ADAMTS14: variants seen among roughly 807,000 people sequenced by gnomAD.
The protein encoded by ADAMTS14 is A disintegrin and metalloproteinase with thrombospondin motifs 14.
Under a neutral mutation model 128.6 loss-of-function variants are expected in ADAMTS14, and 100 were observed. That is an observed-to-expected ratio of 0.78 (90% CI 0.66 to 0.92). The LOEUF is 0.92. Ranked by LOEUF, ADAMTS14 falls within the 40% of genes least tolerant of loss-of-function variation. The probability of loss-of-function intolerance (pLI) is 0.00; values close to 1 mark genes in which losing one functional copy is unlikely to be tolerated. For missense variants in ADAMTS14, 1,562 were observed against 1,658.6 expected (o/e 0.94, Z 1.01); for synonymous variants, 665 against 653.8 (o/e 1.02, Z -0.26).
rs1206968172 is a variant in ADAMTS14 at position 70,674,721 on chromosome 10, T to G, written c.248T>G (p.Leu83Arg). ...ACACTACCACGACACTCCAGTCACCTCCGGGTGGCTCGCAGCCCTCTGCAC... is the reference window on the plus strand; with the variant it reads ...ACACTACCACGACACTCCAGTCACCGCCGGGTGGCTCGCAGCCCTCTGCAC... ...PPTLPRHSSH[L>R]RVARSPLHPG... The change falls in exon 2 of 22, where the codon CTC becomes CGC. Residue 83 changes from leucine to arginine, a missense_variant. Leu to Arg is a moderately radical substitution (Grantham distance 102). Transcript: ENST00000373207. 6.2e-7 allele frequency: 1 copy of G among 1,613,476 alleles called. No individual in the cohort carries two copies. The highest frequency in any genetic ancestry group is 1.7e-5 in the Admixed American group (1 of 60,030).
At chr10:70,679,326 T>C (rs1839734452) in intron 2 of ADAMTS14, among the ~76,000 whole-genome samples, 1 of 152,110 alleles carries the variant, frequency 6.6e-6, no homozygotes, top group African/African-American at 2.4e-5. Flanking sequence ...TGCAAAGTGC[T>C]TCCTCTGGGG....
chr10:70,746,927 A>G (rs1842196958), intron 15 of ADAMTS14, among the ~76,000 whole-genome samples: 1 of 151,968 alleles, frequency 6.6e-6, no homozygotes, highest in Non-Finnish European at 1.5e-5. Flanking sequence ...GCAGGCCACA[A>G]TGTCCCCTTG....
chr10:70,696,014 G>C (rs1445288399), intron 2 of ADAMTS14, among the ~76,000 whole-genome samples: 1 of 152,242 alleles, frequency 6.6e-6, no homozygotes. Flanking sequence ...GAGAAGCCAG[G>C]GGGTATGGAG....
intron 6 of ADAMTS14, 52 bp from the exon 7 acceptor site, chr10:70,732,202 G>C (rs1841662771): frequency 6.7e-6 from 10 of 1,501,050 alleles, no homozygotes; most frequent in Middle Eastern, 3.4e-4. Flanking sequence ...AGTGTGTCCT[G>C]CCTCACCTGC....
At chr10:70,752,409 T>G (rs963977569) in intron 18 of ADAMTS14, among the ~76,000 whole-genome samples, 182 bp downstream of exon 18, 4 of 152,010 alleles carry the variant, frequency 2.6e-5, no homozygotes, top group African/African-American at 9.7e-5. Flanking sequence ...CTACCTCTTC[T>G]CTGCCTGATC....
In ADAMTS14 at chr10:70,760,755, A is replaced by G. The variant is rs1842594448; in HGVS notation, c.3574A>G (p.Thr1192Ala). 2 of 1,613,650 alleles carry G rather than the reference A, an allele frequency of 1.2e-6. No homozygotes were observed. Among genetic ancestry groups the G allele is most frequent in the Non-Finnish European group, 1.7e-6 (2 of 1,179,920 alleles). The change falls in exon 22 of 22, where the codon ACT (threonine) becomes GCT (alanine). Residue 1192 changes from threonine (T) to alanine (A), a missense_variant. Transcript: ENST00000373207. ...CCCCGGGGGGCTGCCTTGGGGCTGGACTCAGACACCTACGCCAGTCCCTGA... is the reference window on the plus strand; with the variant it reads ...CCCCGGGGGGCTGCCTTGGGGCTGGGCTCAGACACCTACGCCAGTCCCTGA... ...TTPGGLPWGW[T>A]QTPTPVPEDK...
chr10:70,677,657 G>A (rs1589254275), intron 2 of ADAMTS14, among the ~76,000 whole-genome samples: 1 of 152,162 alleles, frequency 6.6e-6, no homozygotes, highest in South Asian at 2.1e-4. Context: ...GCTGTTTCCA[G>A]AGGCCAGTCC....
intron 15 of ADAMTS14, among the ~76,000 whole-genome samples, chr10:70,745,722 C>T (rs1842158499): frequency 6.6e-6 from 1 of 152,200 alleles, no homozygotes; most frequent in South Asian, 2.1e-4. Context: ...GCTCACGGTC[C>T]TATGGGTCAT....
intron 4 of ADAMTS14, among the ~76,000 whole-genome samples, chr10:70,713,719 T>G (rs1840931894): frequency 6.6e-6 from 1 of 152,220 alleles, no homozygotes; most frequent in Non-Finnish European, 1.5e-5. Flanking sequence ...TTGGGTCTGC[T>G]GGGTCACAGC....
At position 70,752,223 on chromosome 10, in the gene ADAMTS14, C is replaced by A. The variant is rs1207970449; in HGVS notation, c.2725C>A (p.Pro909Thr). ...RRCNQHPCSQPVWVTEEWGAC... is the reference protein window; with the variant it reads ...RRCNQHPCSQTVWVTEEWGAC... The stretch of plus-strand genomic sequence containing the variant: ...CTGCAACCAGCACCCGTGCTCTCAG[C>A]CTGTGTGAGTGCTCCCAGGGAGGGA... Residue 909 changes from proline to threonine, a missense_variant, in exon 18 of 22, where the codon CCT becomes ACT. Physicochemically the swap from Pro to Thr is conservative, Grantham distance 38 (BLOSUM62 -1). Transcript: ENST00000373207. The A allele has an allele frequency of 2.5e-6, 4 of 1,613,582 alleles. No individual in the cohort carries two copies. Among genetic ancestry groups the A allele is most frequent in the Non-Finnish European group, 1.7e-6 (2 of 1,179,862 alleles).
At chr10:70,759,732 G>T (rs139172674) in intron 21 of ADAMTS14, among the ~76,000 whole-genome samples, 2 of 152,340 alleles carry the variant, frequency 1.3e-5, no homozygotes, top group African/African-American at 4.8e-5. Context: ...TGGTCAGTCT[G>T]CCTGTCCCAA....
Position 70,751,500 on chromosome 10 carries a change from G to T in ADAMTS14, c.2450G>T (p.Gly817Val). 6.2e-7 allele frequency: 1 copy of T among 1,607,266 alleles called. No homozygotes were observed. The highest frequency in any genetic ancestry group is 8.5e-7 in the Non-Finnish European group (1 of 1,174,460). The change falls in exon 17 of 22, where the codon GGC (glycine) becomes GTC (valine). Residue 817 changes from glycine (G) to valine (V), a missense_variant. By Grantham distance (109) the Gly-to-Val change is moderately radical (BLOSUM62 -3). Transcript: ENST00000373207. ...AILALPPTEG[G>V]PRSSLAYKYV... ...CAGGCTCTCCCCCCAACTGAGGGTG[G>T]CCCCCGCAGCAGCCTGGCCTACAAG... is the stretch of plus-strand genomic sequence containing the variant.
At chr10:70,682,152 C>T (rs1839829655) in intron 2 of ADAMTS14, among the ~76,000 whole-genome samples, 1 of 152,110 alleles carries the variant, frequency 6.6e-6, no homozygotes, top group Admixed American at 6.5e-5. Flanking sequence ...GTCTGGGCCC[C>T]TGGGTTGGAG....
chr10:70,755,992 T>C (rs780805171), intron 19 of ADAMTS14, among the ~76,000 whole-genome samples: 2 of 152,222 alleles, frequency 1.3e-5, no homozygotes, highest in Non-Finnish European at 2.9e-5. Flanking sequence ...CTATAGAAGA[T>C]TGGACAAAAA....
At chr10:70,729,942 G>A (rs746648171) in intron 5 of ADAMTS14, among the ~76,000 whole-genome samples, 160 bp from the exon 6 acceptor site, 3 of 152,232 alleles carry the variant, frequency 2.0e-5, no homozygotes, top group African/African-American at 7.2e-5. Flanking sequence ...GCAGGGCTGT[G>A]TGCCAGCAGC....
chr10:70,706,665 T>C (rs1433494024), intron 3 of ADAMTS14, among the ~76,000 whole-genome samples: 1 of 152,212 alleles, frequency 6.6e-6, no homozygotes. Context: ...CCAGGCTGTG[T>C]GTCCACCCAG....
At chr10:70,723,237 C>T (rs1332473397) in intron 4 of ADAMTS14, among the ~76,000 whole-genome samples, 1 of 152,130 alleles carries the variant, frequency 6.6e-6, no homozygotes, top group African/African-American at 2.4e-5. Context: ...CAGTGCTGGT[C>T]ATCAAAAACC....
intron 2 of ADAMTS14, among the ~76,000 whole-genome samples, chr10:70,677,730 CCACTGGGGCCGCCGG>C (rs1367431502): frequency 6.6e-6 from 1 of 152,198 alleles, no homozygotes; most frequent in African/African-American, 2.4e-5. Context: ...TGACTGCCTT[CCACTGGGGCCGCCGG>C]CACAGAGGTC....
At chr10:70,702,785 G>A (rs187248648) in intron 3 of ADAMTS14, among the ~76,000 whole-genome samples, 103 of 152,306 alleles carry the variant, frequency 6.8e-4, no homozygotes, top group Non-Finnish European at 1.3e-3. Context: ...AATGCCTGCA[G>A]TGAGTTCTTC....
Sources: gnomAD v4.1 joint callset for allele counts (sites outside exome capture counted in the v4.1 genomes callset) on GRCh38, gnomAD v4.1.1 for gene constraint, MANE v1.5 for transcripts, NCBI Gene and HGNC (gene_info 2026-07-23, HGNC 2026-07-21) for gene names.